FOXO3B: variants seen among roughly 807,000 people sequenced by gnomAD.
The protein encoded by FOXO3B is forkhead box O3B.
Under a neutral mutation model 21.9 loss-of-function variants are expected in FOXO3B, and 15 were observed. The ratio of observed to expected loss-of-function variants is 0.68; its 90% CI spans 0.46 to 1.05. The LOEUF is 1.05. Among genes scored for constraint, FOXO3B ranks in the 50% least tolerant of loss-of-function variants. The pLI, the probability that FOXO3B is intolerant of heterozygous loss-of-function variation, is 0.00. For missense variants in FOXO3B, 293 were observed against 435.5 expected (o/e 0.67, Z 2.91); for synonymous variants, 135 against 213.6 (o/e 0.63, Z 3.21).
chr17:18,680,916 T>C, intron 2 of FOXO3B, 87 bp from the exon 3 acceptor site: 1 of 1,355,708 alleles, frequency 7.4e-7, no homozygotes, highest in Non-Finnish European at 1.0e-6. Flanking sequence ...ACATACTATA[T>C]GTGCTGCCTA....
intron 3 of FOXO3B, among the ~76,000 whole-genome samples, chr17:18,680,356 T>C (rs2270063): frequency 0.38 from 58,517 of 152,080 alleles, 12,080 homozygotes; most frequent in Middle Eastern, 0.48. Context: ...AGCATTTAAG[T>C]GCTTTCTTAG....
intron 1 of FOXO3B, 164 bp from the exon 2 acceptor site, chr17:18,682,010 G>T: frequency 1.7e-6 from 1 of 605,866 alleles, no homozygotes; most frequent in Non-Finnish European, 2.9e-6. Context: ...AGGACCCCGC[G>T]ACCACCCCGC....
intron 3 of FOXO3B, among the ~76,000 whole-genome samples, chr17:18,673,489 T>C (rs2032418465): frequency 6.6e-6 from 1 of 152,210 alleles, no homozygotes; most frequent in African/African-American, 2.4e-5. Context: ...TTGGTAGATA[T>C]AACCTACATA....
rs920056517 is a variant in FOXO3B, at chr17:18,671,762, G to A, written c.*547C>T. The stretch of plus-strand genomic sequence containing the variant: ...GGAGCGTGATGTTATCCAGCAGGTC[G>A]TCCATGAGGTTTTCAGTCAGCCCCA... On this transcript the variant is annotated 3_prime_UTR_variant, in exon 4 of 4. Coordinates refer to ENST00000395675, the MANE Select transcript of FOXO3B (RefSeq NM_001368135.1). 108 of 1,613,228 alleles carry A rather than the reference G, an allele frequency of 6.7e-5. No individual in the cohort carries two copies. In the African/African-American group the frequency reaches 1.4e-3, roughly 21 times the overall value.
At chr17:18,682,059 C>G in intron 1 of FOXO3B, 145 bp downstream of exon 1, 2 of 611,986 alleles carry the variant, frequency 3.3e-6, no homozygotes, top group Non-Finnish European at 3.0e-6. Flanking sequence ...AGGATCAGGC[C>G]AGAGTGAGAA....
chr17:18,675,834 T>C (rs1235481922), intron 3 of FOXO3B, among the ~76,000 whole-genome samples: 1 of 152,136 alleles, frequency 6.6e-6, no homozygotes, highest in African/African-American at 2.4e-5. Flanking sequence ...AAAACAAAAT[T>C]GAACATTTTG....
At chr17:18,673,239 AT>A (rs1291286705) in intron 3 of FOXO3B, among the ~76,000 whole-genome samples, 184 bp from the exon 4 acceptor site, 7 of 152,270 alleles carry the variant, frequency 4.6e-5, no homozygotes, top group South Asian at 2.1e-4. Context: ...TAATAAAAAA[AT>A]ATACTGTGCT....
At chr17:18,676,319 C>G (rs1020983299) in intron 3 of FOXO3B, among the ~76,000 whole-genome samples, 3 of 152,136 alleles carry the variant, frequency 2.0e-5, no homozygotes, top group African/African-American at 7.2e-5. Flanking sequence ...AATTCTTCTT[C>G]CAGTTATCTC....
rs2032368170 is a variant in FOXO3B at position 18,671,712 on chromosome 17, C to T, written c.*597G>A. 6.2e-7 allele frequency: 1 copy of T among 1,613,626 alleles called. No individual in the cohort carries two copies. Among genetic ancestry groups the T allele is most frequent in the Non-Finnish European group, 8.5e-7 (1 of 1,179,968 alleles). ...GCTAGAACTCCGCTGCATGAGTCCC[C>T]CAGTGGGCGATGGCTGGGATGGCGG... On this transcript the variant is annotated 3_prime_UTR_variant, in exon 4 of 4. Coordinates refer to ENST00000395675, the MANE Select transcript of FOXO3B (RefSeq NM_001368135.1).
chr17:18,669,173 C>A lies in FOXO3B; in HGVS notation c.*3136G>T, dbSNP rs1318292452. The A allele has an allele frequency of 1.4e-5, 2 of 139,044 alleles. No homozygotes were observed. The highest frequency in any genetic ancestry group is 1.5e-5 in the Non-Finnish European group (1 of 65,432). The allele number at this position is 139,044 out of a possible 1,614,324, so 8.6% of individuals were successfully genotyped here. On this transcript the variant is annotated 3_prime_UTR_variant, in exon 4 of 4. Transcript: ENST00000395675. ...GGAGCTGTGATCACCACCAATATCA[C>A]CCCCAGAGGAGTTATAAAGCCAAGG...
rs2032348944 is a variant in FOXO3B at position 18,670,764 on chromosome 17, C to T, written c.*1545G>A. Among the ~76,000 whole-genome samples, 1 of 152,104 alleles carries T rather than the reference C, an allele frequency of 6.6e-6. No homozygotes were observed. The highest frequency in any genetic ancestry group is 2.4e-5 in the African/African-American group (1 of 41,410). On this transcript the variant is annotated 3_prime_UTR_variant, in exon 4 of 4. Coordinates refer to ENST00000395675, the MANE Select transcript of FOXO3B (RefSeq NM_001368135.1). ...AGTCTCTGCTGGGTTAGGAAAATGGCGTGGGATTCACAAAGGTGTTAAGCT... is the reference window on the plus strand; with the variant it reads ...AGTCTCTGCTGGGTTAGGAAAATGGTGTGGGATTCACAAAGGTGTTAAGCT...
intron 3 of FOXO3B, among the ~76,000 whole-genome samples, chr17:18,678,843 G>A (rs766805604): frequency 5.3e-5 from 8 of 152,208 alleles, no homozygotes; most frequent in Non-Finnish European, 1.0e-4. Context: ...ATGTTTGTGC[G>A]TGCACGTGAA....
chr17:18,677,169 G>A (rs1396939869), intron 3 of FOXO3B: 4 of 1,078,450 alleles, frequency 3.7e-6, no homozygotes, highest in African/African-American at 1.6e-5. Flanking sequence ...AATGTAATTG[G>A]TACAATGACT....
chr17:18,672,451 T>C lies in FOXO3B; in HGVS notation c.731A>G (p.Asn244Ser). 2.5e-6 allele frequency: 4 copies of C among 1,603,464 alleles called. No homozygotes were observed. Among genetic ancestry groups the C allele is most frequent in the South Asian group, 1.1e-5 (1 of 90,134 alleles). Residue 244 changes from asparagine to serine, a missense_variant, in exon 4 of 4, where the codon AAC becomes AGC. Asn to Ser is a conservative substitution (Grantham distance 46, BLOSUM62 1). Around this residue, in one of 2 missense-constraint regions of FOXO3B, gnomAD observed 251 missense variants for 404.0 expected, o/e 0.62. Coordinates refer to ENST00000395675, the MANE Select transcript of FOXO3B (RefSeq NM_001368135.1). The surrounding 1 kb of genome is among the most constrained non-coding windows in gnomAD (Gnocchi z 4.2). ...KCSSRRNAWG[N>S]LSYADLITRA... ...GGTGATCAGGTCCGCGTAGGACAGG[T>C]TTCCCCAGGCGTTCCGCCGCGACGA...
chr17:18,674,639 A>AGG (rs34466734), intron 3 of FOXO3B, among the ~76,000 whole-genome samples: 24 of 121,450 alleles, frequency 2.0e-4, no homozygotes, highest in African/African-American at 8.4e-4. Context: ...AAAAAAAAAA[A>AGG]GGGGGGGGGG....
chr17:18,679,452 CTTTTTTTTT>C (rs546420565), intron 3 of FOXO3B, among the ~76,000 whole-genome samples: 1 of 127,360 alleles, frequency 7.9e-6, no homozygotes, highest in Admixed American at 7.8e-5. Context: ...TCCTCCTCAA[CTTTTTTTTT>C]TTTTTTTTGA....
intron 3 of FOXO3B, among the ~76,000 whole-genome samples, chr17:18,674,670 T>C (rs201907805): frequency 1.7e-4 from 25 of 146,270 alleles, no homozygotes; most frequent in East Asian, 6.0e-4. Context: ...CAAATGCAAA[T>C]TTAGGGTTTC....
Position 18,668,262 on chromosome 17 carries a change from A to G in FOXO3B, c.*4047T>C, listed in dbSNP as rs1367168639. 1.3e-5 allele frequency: 2 copies of G among 152,234 alleles called. No individual in the cohort carries two copies. Among genetic ancestry groups the G allele is most frequent in the African/African-American group, 2.4e-5 (1 of 41,444 alleles). 9.4% of individuals were successfully genotyped at this position (152,234 alleles called of 1,614,324 possible). On this transcript the variant is annotated 3_prime_UTR_variant, in exon 4 of 4. Transcript: ENST00000395675. The stretch of plus-strand genomic sequence containing the variant: ...GTCTCAGCTCTCCACGACACTCTAC[A>G]TGTAGATGCTGTTTTAGTTACTTGA...
At position 18,671,783 on chromosome 17, in the gene FOXO3B, C is replaced by T; in HGVS notation, c.*526G>A. The T allele has an allele frequency of 2.5e-6, 4 of 1,613,370 alleles. No homozygotes were observed. The highest frequency in any genetic ancestry group is 3.4e-6 in the Non-Finnish European group (4 of 1,179,718). On this transcript the variant is annotated 3_prime_UTR_variant, in exon 4 of 4. Transcript: ENST00000395675. Reference sequence around the variant, plus strand: ...GGTCGTCCATGAGGTTTTCAGTCAGCCCCATCATTCAGATTCATGGTGCCT... The same window carrying T: ...GGTCGTCCATGAGGTTTTCAGTCAGTCCCATCATTCAGATTCATGGTGCCT...
Sources: allele counts gnomAD v4.1 joint callset (sites outside exome capture counted in the v4.1 genomes callset), GRCh38; gene constraint gnomAD v4.1.1; regional missense constraint gnomAD v4.1.1; non-coding constraint Gnocchi (gnomAD v3.1); transcripts MANE v1.5; gene names NCBI Gene and HGNC (gene_info 2026-07-23, HGNC 2026-07-21).